ABCA13: variants seen among roughly 807,000 people sequenced by gnomAD.
The protein encoded by ABCA13 is ATP binding cassette subfamily A member 13, also known as ATP-binding cassette sub-family A member 13.
In ABCA13, 476 loss-of-function variants were observed where a neutral mutation model predicts 478.7. The ratio of observed to expected loss-of-function variants is 0.99; its 90% CI spans 0.92 to 1.07. ABCA13 has a LOEUF of 1.07. ABCA13 is among the 50% of genes least tolerant of loss of function. The pLI, the probability that ABCA13 is intolerant of heterozygous loss-of-function variation, is 0.00. For synonymous variants in ABCA13, 2,252 were observed against 2,158.9 expected (o/e 1.04, Z -1.20); for missense variants, 6,060 against 5,910.6 (o/e 1.03, Z -0.83).
intron 55 of ABCA13, among the ~76,000 whole-genome samples, chr7:48,571,338 G>T (rs1787625723): frequency 6.6e-6 from 1 of 152,092 alleles, no homozygotes; most frequent in African/African-American, 2.4e-5. Flanking sequence ...TCAGCTTAAA[G>T]ACTTCATTTA....
At chr7:48,320,467 G>T (rs1803283881) in intron 27 of ABCA13, among the ~76,000 whole-genome samples, 1 of 152,084 alleles carries the variant, frequency 6.6e-6, no homozygotes, top group South Asian at 2.1e-4. Flanking sequence ...ATACTCTAAG[G>T]GTGTCAGACT....
chr7:48,528,622 C>T (rs1278331279), intron 55 of ABCA13, among the ~76,000 whole-genome samples: 1 of 152,074 alleles, frequency 6.6e-6, no homozygotes, highest in Admixed American at 6.6e-5. Context: ...TGGAAGTGCC[C>T]AGCTCCTCTC....
intron 53 of ABCA13, among the ~76,000 whole-genome samples, chr7:48,522,668 G>C (rs1281065201): frequency 6.6e-6 from 1 of 152,308 alleles, no homozygotes; most frequent in African/African-American, 2.4e-5. Flanking sequence ...TTGTGAGTGG[G>C]TGGACCAGAA....
intron 55 of ABCA13, among the ~76,000 whole-genome samples, chr7:48,566,031 A>T (rs1039878075): frequency 1.3e-5 from 2 of 152,166 alleles, no homozygotes; most frequent in South Asian, 2.1e-4. Flanking sequence ...GAAGCAAATG[A>T]ATTTAAAATA....
intron 52 of ABCA13, among the ~76,000 whole-genome samples, chr7:48,517,717 T>A (rs1021827725): frequency 3.9e-5 from 6 of 152,216 alleles, no homozygotes; most frequent in African/African-American, 1.2e-4. Flanking sequence ...CTTATTGCAA[T>A]CCTTTTCATT....
intron 59 of ABCA13, among the ~76,000 whole-genome samples, chr7:48,624,059 AGTGTGT>A (rs3078326): frequency 0.013 from 1,805 of 142,468 alleles, 22 homozygotes; most frequent in African/African-American, 0.035. Flanking sequence ...CACATGATAG[AGTGTGT>A]GTGTGTGTGT....
chr7:48,179,018 TAATAAA>T (rs1384154100), intron 1 of ABCA13, among the ~76,000 whole-genome samples: 6 of 134,176 alleles, frequency 4.5e-5, no homozygotes, highest in South Asian at 4.8e-4. Flanking sequence ...ATAATAATAA[TAATAAA>T]AACAAAGACT....
intron 54 of ABCA13, among the ~76,000 whole-genome samples, chr7:48,525,477 A>T (rs565175440): frequency 3.9e-5 from 6 of 152,106 alleles, no homozygotes; most frequent in Non-Finnish European, 5.9e-5. Context: ...AATTTATTTG[A>T]TTATAGTTTT....
rs1429459130 is a variant in ABCA13, at chr7:48,275,212, C to A, written c.5546C>A (p.Ser1849Tyr). The change falls in exon 17 of 62, where the codon TCT (serine) becomes TAT (tyrosine). Residue 1849 changes from serine to tyrosine, a missense_variant. Transcript: ENST00000435803. ...TGCAATGTCCATGGGCTCATGTCTT[C>A]TTCCTTTTATGGCAAAGTGGCCAGT... ...DPCNVHGLMS[S>Y]SFYGKVASIL... The A allele has an allele frequency of 3.1e-6, 5 of 1,613,788 alleles. No homozygotes were observed. The Admixed American group carries it at 5.0e-5, about 16-fold the overall frequency.
chr7:48,389,260 A>T, intron 37 of ABCA13, 40 bp downstream of exon 37: 1 of 1,569,612 alleles, frequency 6.4e-7, no homozygotes, highest in Non-Finnish European at 8.6e-7. Context: ...TGGGCATTTG[A>T]TTCTTAAAAC....
chr7:48,191,125 C>T (rs1441318798), intron 1 of ABCA13, among the ~76,000 whole-genome samples: 1 of 151,918 alleles, frequency 6.6e-6, no homozygotes, highest in Non-Finnish European at 1.5e-5. Flanking sequence ...GGAATCTTCC[C>T]CCACCACCTC....
At position 48,245,415 on chromosome 7, in the gene ABCA13, C is replaced by T. The variant is rs995475856; in HGVS notation, c.1391-97C>T. ...ATAATAGGTCAAGTTTTTAAAAAAT[C>T]CATGTTTTCAGGATCCAGTTTATTG... On this transcript the variant is annotated intron_variant, in intron 11 of 61. Transcript: ENST00000435803. The T allele has an allele frequency of 4.5e-5, 41 of 910,456 alleles. No individual in the cohort carries two copies. The African/African-American group carries it at 6.1e-4, about 14-fold the overall frequency. The allele number at this position is 910,456 out of a possible 1,614,324, so 56.4% of individuals were successfully genotyped here.
chr7:48,636,028 T>C (rs1262456550), intron 59 of ABCA13, among the ~76,000 whole-genome samples: 1 of 152,198 alleles, frequency 6.6e-6, no homozygotes, highest in Non-Finnish European at 1.5e-5. Context: ...ATGCTGGTAT[T>C]GTACCTGCAC....
intron 59 of ABCA13, among the ~76,000 whole-genome samples, chr7:48,616,582 T>C (rs1792595364): frequency 1.3e-5 from 2 of 152,116 alleles, no homozygotes; most frequent in Non-Finnish European, 2.9e-5. Context: ...TACTGGAAAA[T>C]CTGTGCCTAC....
At chr7:48,624,785 C>T (rs1793506651) in intron 59 of ABCA13, among the ~76,000 whole-genome samples, 1 of 152,040 alleles carries the variant, frequency 6.6e-6, no homozygotes, top group African/African-American at 2.4e-5. Flanking sequence ...GAACTCCTGA[C>T]CTCAGGTGAT....
chr7:48,511,466 GA>G (rs1215157427), intron 51 of ABCA13, among the ~76,000 whole-genome samples: 4 of 152,266 alleles, frequency 2.6e-5, no homozygotes, highest in Non-Finnish European at 4.4e-5. Context: ...TGTGCAGCTG[GA>G]AATGGATTCT....
intron 1 of ABCA13, among the ~76,000 whole-genome samples, chr7:48,192,699 C>CTGAA (rs1797261008): frequency 1.3e-5 from 2 of 152,072 alleles, no homozygotes; most frequent in Non-Finnish European, 2.9e-5. Flanking sequence ...TCTGTAATGT[C>CTGAA]ATAAGTTCTG....
chr7:48,535,389 C>T (rs1210176181), intron 55 of ABCA13, among the ~76,000 whole-genome samples: 1 of 152,198 alleles, frequency 6.6e-6, no homozygotes, highest in Non-Finnish European at 1.5e-5. Flanking sequence ...CCGTGGATAC[C>T]AGCACCTGCT....
chr7:48,607,043 A>G (rs1050551238), intron 58 of ABCA13, among the ~76,000 whole-genome samples: 1 of 152,146 alleles, frequency 6.6e-6, no homozygotes, highest in Admixed American at 6.5e-5. Flanking sequence ...GCAAGGACGG[A>G]TGCCCCTCTC....
Sources: gnomAD v4.1 joint callset for allele counts (sites outside exome capture counted in the v4.1 genomes callset) on GRCh38, gnomAD v4.1.1 for gene constraint, MANE v1.5 for transcripts, NCBI Gene and HGNC (gene_info 2026-07-23, HGNC 2026-07-21) for gene names.